Variants in ACVR1 observed in about 807,000 individuals in gnomAD.
The protein encoded by ACVR1 is activin A receptor type 1, also known as activin receptor type-1.
In ACVR1, 38 loss-of-function variants were observed where a neutral mutation model predicts 57.1. The ratio of observed to expected loss-of-function variants is 0.67; its 90% CI spans 0.51 to 0.87. The LOEUF is 0.87. Ranked by LOEUF, ACVR1 falls within the 40% of genes least tolerant of loss-of-function variation. The pLI is 0.00. For synonymous variants in ACVR1, 212 were observed against 228.1 expected (o/e 0.93, Z 0.63); for missense variants, 463 against 638.2 (o/e 0.73, Z 2.96).
intron 2 of ACVR1, among the ~76,000 whole-genome samples, chr2:157,806,391 C>A (rs1574088055): frequency 6.6e-6 from 1 of 152,084 alleles, no homozygotes; most frequent in East Asian, 1.9e-4. Context: ...TAGCCCCCAT[C>A]CTCCATCCCT....
chr2:157,801,673 C>T (rs897111694), intron 2 of ACVR1, among the ~76,000 whole-genome samples: 1 of 152,138 alleles, frequency 6.6e-6, no homozygotes, highest in Admixed American at 6.5e-5. Context: ...CCATTAGCAA[C>T]ACCTTAAATA....
At chr2:157,860,564 A>G (rs766939400) in intron 1 of ACVR1, among the ~76,000 whole-genome samples, 6 of 152,202 alleles carry the variant, frequency 3.9e-5, no homozygotes, top group Non-Finnish European at 7.3e-5. Context: ...GATACTTTAC[A>G]TTGTCCAAGA....
intron 1 of ACVR1, among the ~76,000 whole-genome samples, chr2:157,869,843 A>G (rs564528611): frequency 6.6e-6 from 1 of 152,294 alleles, no homozygotes; most frequent in Admixed American, 6.5e-5. Flanking sequence ...TTACTCCTGA[A>G]AAGGAAGGTG....
intron 3 of ACVR1, among the ~76,000 whole-genome samples, chr2:157,793,728 T>C (rs1454163929): frequency 6.6e-6 from 1 of 152,192 alleles, no homozygotes; most frequent in Non-Finnish European, 1.5e-5. Context: ...CTTCCATTCA[T>C]TCACCCCTTC....
intron 2 of ACVR1, among the ~76,000 whole-genome samples, chr2:157,808,535 G>A (rs887699486): frequency 6.6e-5 from 10 of 152,148 alleles, no homozygotes; most frequent in Admixed American, 3.3e-4. Context: ...ACAAAAAGAC[G>A]GCTGGCAGAC....
At position 157,842,010 on chromosome 2, in the gene ACVR1, CAG is replaced by C. The variant is rs1270763662; in HGVS notation, c.-182-23453_-182-23452del. ...CCACTGCACTCCAGCCTGGGCGACA[CAG>C]AGAGACTCCATCTCAAAAAAAAAAA... On this transcript the variant is annotated intron_variant, in intron 1 of 10. Transcript: ENST00000434821. Among the ~76,000 whole-genome samples, 4 of 117,858 alleles carry C rather than the reference CAG, an allele frequency of 3.4e-5. No individual in the cohort carries two copies. In the Admixed American group the frequency reaches 4.7e-4, roughly 14 times the overall value. 77.3% of individuals were successfully genotyped at this position (117,858 alleles called of 152,430 possible). A position where few individuals can be genotyped will look rare whatever the true frequency, so the allele number is the denominator to read the frequency against.
At chr2:157,804,846 A>G (rs1687460480) in intron 2 of ACVR1, among the ~76,000 whole-genome samples, 5 of 152,208 alleles carry the variant, frequency 3.3e-5, no homozygotes, top group Admixed American at 3.3e-4. Context: ...TCCAAATCCC[A>G]TGTTACTTTT....
At chr2:157,794,419 T>C (rs1429492782) in intron 3 of ACVR1, among the ~76,000 whole-genome samples, 1 of 152,178 alleles carries the variant, frequency 6.6e-6, no homozygotes. Context: ...TCATTTGCTA[T>C]TACAAACTCT....
At chr2:157,864,764 A>C (rs183015380) in intron 1 of ACVR1, among the ~76,000 whole-genome samples, 1 of 152,360 alleles carries the variant, frequency 6.6e-6, no homozygotes, top group Admixed American at 6.5e-5. Context: ...CCGAAGTCAT[A>C]AATAAAATTT....
rs535182269 is a variant in ACVR1 at position 157,776,321 on chromosome 2, G to A, written c.543+1810C>T. ...GGTAATTAGTTATGTTAGCAGCTCT[G>A]AGGAATGAAGTTCTAACTAACCTAT... On this transcript the variant is annotated intron_variant, in intron 5 of 10. Transcript: ENST00000434821. 2.0e-4 allele frequency among the ~76,000 whole-genome samples: 31 copies of A among 152,250 alleles called. No individual in the cohort carries two copies. The South Asian group carries it at 6.2e-3, about 31-fold the overall frequency.
chr2:157,750,155 T>C (rs1685128465), intron 9 of ACVR1, among the ~76,000 whole-genome samples: 1 of 152,202 alleles, frequency 6.6e-6, no homozygotes, highest in Non-Finnish European at 1.5e-5. Context: ...AGTAGGCTGG[T>C]ACCCAAGCTT....
At chr2:157,806,714 A>C (rs1353104996) in intron 2 of ACVR1, 3 of 152,254 alleles carry the variant, frequency 2.0e-5, no homozygotes, top group Non-Finnish European at 4.4e-5. Context: ...CTGCAAAGAA[A>C]GGTTAAACCG....
intron 2 of ACVR1, among the ~76,000 whole-genome samples, chr2:157,808,502 T>C (rs897232579): frequency 6.6e-6 from 1 of 152,136 alleles, no homozygotes; most frequent in African/African-American, 2.4e-5. Flanking sequence ...TTTTCAAGGG[T>C]GTCATCCAAG....
At position 157,794,615 on chromosome 2, in the gene ACVR1, T is replaced by C. The variant is rs181363428; in HGVS notation, c.67+4812A>G. On this transcript the variant is annotated intron_variant, in intron 3 of 10. Transcript: ENST00000434821. ...ATGCCTTTTGTTGGCTGTGTAACCT[T>C]AAGCAAGAGCTTTAACTAATCCAAA... Among the ~76,000 whole-genome samples, 256 of 152,336 alleles carry C rather than the reference T, an allele frequency of 1.7e-3. 2 individuals carry two copies. Among genetic ancestry groups the C allele is most frequent in the African/African-American group, 5.9e-3 (246 of 41,568 alleles).
chr2:157,814,639 T>C (rs141042295), intron 2 of ACVR1, among the ~76,000 whole-genome samples: 9 of 152,308 alleles, frequency 5.9e-5, no homozygotes, highest in Middle Eastern at 3.4e-3. Flanking sequence ...ATGGATCCCA[T>C]AGATACACTC....
chr2:157,802,692 C>T (rs1323055435), intron 2 of ACVR1, among the ~76,000 whole-genome samples: 1 of 152,168 alleles, frequency 6.6e-6, no homozygotes, highest in East Asian at 1.9e-4. Context: ...TGTCTAAACC[C>T]TTAAGTACTC....
chr2:157,787,151 C>T (rs934527726), intron 3 of ACVR1, among the ~76,000 whole-genome samples: 14 of 152,066 alleles, frequency 9.2e-5, no homozygotes, highest in Non-Finnish European at 8.8e-5. Context: ...AGCCAAAAAA[C>T]TCAGCCTGTT....
chr2:157,758,996 T>C (rs970735887), intron 9 of ACVR1, among the ~76,000 whole-genome samples: 5 of 151,820 alleles, frequency 3.3e-5, no homozygotes, highest in East Asian at 3.8e-4. Context: ...AACAAAAGAA[T>C]TGGTAACAGG....
chr2:157,816,715 C>A (rs1220452310), intron 2 of ACVR1, among the ~76,000 whole-genome samples: 1 of 152,156 alleles, frequency 6.6e-6, no homozygotes, highest in Non-Finnish European at 1.5e-5. Flanking sequence ...AGCGTTAAAT[C>A]TAAGGAGGCT....
Sources: gnomAD v4.1 joint callset for allele counts (sites outside exome capture counted in the v4.1 genomes callset) on GRCh38, gnomAD v4.1.1 for gene constraint, MANE v1.5 for transcripts, NCBI Gene and HGNC (gene_info 2026-07-23, HGNC 2026-07-21) for gene names.